CALN1: variants seen among roughly 807,000 people sequenced by gnomAD.
The protein encoded by CALN1 is calneuron 1.
Under a neutral mutation model 30.6 loss-of-function variants are expected in CALN1, and 17 were observed. That is an observed-to-expected ratio of 0.56 (90% CI 0.38 to 0.83). The LOEUF is 0.83. CALN1 is among the 40% of genes least tolerant of loss of function. The pLI is 0.00. For missense variants in CALN1, 291 were observed against 354.9 expected, an observed-to-expected ratio of 0.82 and a Z score of 1.45; for synonymous variants, 156 against 131.4, an observed-to-expected ratio of 1.19 and a Z score of -1.28.
chr7:72,095,803 T>TGGGA (rs2129540185), intron 4 of CALN1, among the ~76,000 whole-genome samples: 3 of 152,026 alleles, frequency 2.0e-5, no homozygotes, highest in African/African-American at 7.2e-5. Flanking sequence ...GAGGCCAAGG[T>TGGGA]GGGAGACTGC....
intron 3 of CALN1, among the ~76,000 whole-genome samples, chr7:72,129,904 T>C (rs768909196): frequency 2.6e-5 from 4 of 152,130 alleles, no homozygotes; most frequent in Non-Finnish European, 5.9e-5. Context: ...TTATCCCCAG[T>C]GTGTCAATAT....
At chr7:72,195,669 T>C (rs1365918896) in intron 3 of CALN1, among the ~76,000 whole-genome samples, 1 of 152,146 alleles carries the variant, frequency 6.6e-6, no homozygotes, top group Non-Finnish European at 1.5e-5. Flanking sequence ...CATGAGCCAC[T>C]GTGCCCAGCC....
At chr7:72,151,864 A>G (rs185896261) in intron 3 of CALN1, among the ~76,000 whole-genome samples, 1 of 149,858 alleles carries the variant, frequency 6.7e-6, no homozygotes. Flanking sequence ...GGTGCATATC[A>G]CCACACCTGG....
At chr7:71,793,559 T>C (rs941783094) in intron 6 of CALN1, among the ~76,000 whole-genome samples, 1 of 152,158 alleles carries the variant, frequency 6.6e-6, no homozygotes, top group East Asian at 1.9e-4. Context: ...TTCTCATCTA[T>C]AAAATGGGAT....
intron 2 of CALN1, among the ~76,000 whole-genome samples, chr7:72,388,036 T>C (rs1361426818): frequency 1.3e-5 from 2 of 152,170 alleles, no homozygotes; most frequent in African/African-American, 4.8e-5. Flanking sequence ...GCAAAAGTAA[T>C]TGTGGGTTTT....
chr7:72,011,693 TGAGA>T (rs1383982742), intron 5 of CALN1, among the ~76,000 whole-genome samples: 3 of 152,168 alleles, frequency 2.0e-5, no homozygotes, highest in Non-Finnish European at 4.4e-5. Flanking sequence ...TTTGCTTCAT[TGAGA>T]GAGAGTCTCA....
At chr7:71,971,965 G>GAAAGAAAA (rs1797847471) in intron 5 of CALN1, among the ~76,000 whole-genome samples, 1 of 74,742 alleles carries the variant, frequency 1.3e-5, no homozygotes, top group Non-Finnish European at 2.8e-5. Flanking sequence ...AAGAAAGAAA[G>GAAAGAAAA]AAAGAAAGAA....
At chr7:72,246,110 TATG>T (rs1156897646) in intron 3 of CALN1, among the ~76,000 whole-genome samples, 2 of 152,222 alleles carry the variant, frequency 1.3e-5, no homozygotes, top group East Asian at 3.8e-4. Context: ...GACACTTTAT[TATG>T]ATAACATCTT....
chr7:72,302,102 G>A (rs75558862), intron 2 of CALN1, among the ~76,000 whole-genome samples: 4,818 of 152,110 alleles, frequency 0.032, 247 homozygotes, highest in African/African-American at 0.11. Context: ...AAATAGGAGA[G>A]AAAATTCAAA....
chr7:72,305,530 C>G (rs1799590479), intron 2 of CALN1, among the ~76,000 whole-genome samples: 1 of 152,128 alleles, frequency 6.6e-6, no homozygotes, highest in African/African-American at 2.4e-5. Flanking sequence ...TGTATCAAAC[C>G]GAGAGCCTTA....
intron 4 of CALN1, among the ~76,000 whole-genome samples, chr7:72,054,480 CAT>C (rs142217256): frequency 0.4 from 29,166 of 73,590 alleles, 5,376 homozygotes; most frequent in South Asian, 0.52. Context: ...TATATACATA[CAT>C]ATATATATAC....
chr7:71,997,872 G>A (rs1799330960), intron 5 of CALN1, among the ~76,000 whole-genome samples: 1 of 152,120 alleles, frequency 6.6e-6, no homozygotes, highest in East Asian at 1.9e-4. Flanking sequence ...CCTGGCTGGA[G>A]TGCAATGGTG....
intron 1 of CALN1, among the ~76,000 whole-genome samples, chr7:72,406,772 A>C (rs1257863317): frequency 6.6e-6 from 1 of 152,046 alleles, no homozygotes; most frequent in Non-Finnish European, 1.5e-5. Context: ...GCACACCACC[A>C]GGCCTGGCTA....
At chr7:72,117,367 G>T (rs1345696842) in intron 3 of CALN1, among the ~76,000 whole-genome samples, 1 of 152,178 alleles carries the variant, frequency 6.6e-6, no homozygotes, top group Non-Finnish European at 1.5e-5. Context: ...AAGTCTCATA[G>T]ATGGCAGCCC....
chr7:72,363,107 C>T (rs545868220), intron 2 of CALN1, among the ~76,000 whole-genome samples: 14 of 152,230 alleles, frequency 9.2e-5, no homozygotes, highest in South Asian at 4.2e-4. Flanking sequence ...GGGGGTCTGT[C>T]GTACAGATTA....
intron 4 of CALN1, among the ~76,000 whole-genome samples, chr7:72,081,478 C>G (rs932563391): frequency 5.5e-5 from 7 of 128,064 alleles, no homozygotes; most frequent in African/African-American, 2.0e-4. Context: ...GCTCTGTTGC[C>G]CAAATGCAAT....
chr7:72,155,289 G>A (rs546730970), intron 3 of CALN1, among the ~76,000 whole-genome samples: 10 of 152,072 alleles, frequency 6.6e-5, no homozygotes, highest in South Asian at 4.2e-4. Context: ...TCAGGAGATC[G>A]AGACCTTCCT....
intron 3 of CALN1, among the ~76,000 whole-genome samples, chr7:72,207,208 A>C (rs1455883505): frequency 6.6e-6 from 1 of 152,138 alleles, no homozygotes; most frequent in Non-Finnish European, 1.5e-5. Flanking sequence ...CCGATTCACT[A>C]GGCTCCAACC....
chr7:72,492,618 TG>T, the CALN1 span, among the ~76,000 whole-genome samples: 1 of 152,222 alleles, frequency 6.6e-6, no homozygotes, highest in Non-Finnish European at 1.5e-5. Context: ...AGCAGGGCTG[TG>T]GGGGCACCAT....
Sources: allele counts gnomAD v4.1 joint callset (sites outside exome capture counted in the v4.1 genomes callset), GRCh38; gene constraint gnomAD v4.1.1; transcripts MANE v1.5; gene names NCBI Gene and HGNC (gene_info 2026-07-23, HGNC 2026-07-21).